The following PIK3C2G variants were observed in gnomAD, a reference collection of about 807,000 sequenced individuals.
PIK3C2G encodes the protein phosphatidylinositol-4-phosphate 3-kinase catalytic subunit type 2 gamma, also known as phosphatidylinositol 3-kinase C2 domain-containing subunit gamma.
In PIK3C2G, 168 loss-of-function variants were observed where a neutral mutation model predicts 181.1. The observed-to-expected ratio is 0.93, with a 90% CI of 0.82 to 1.05. The LOEUF (loss-of-function observed/expected upper bound fraction) is 1.05, where lower values mean the gene tolerates loss of function less well. Ranked by LOEUF, PIK3C2G falls within the 50% of genes least tolerant of loss-of-function variation. The pLI, the probability that PIK3C2G is intolerant of heterozygous loss-of-function variation, is 0.00. For synonymous variants in PIK3C2G, 573 were observed against 592.2 expected, an observed-to-expected ratio of 0.97 and a Z score of 0.47; for missense variants, 1,869 against 1,732.8, an observed-to-expected ratio of 1.08 and a Z score of -1.40.
chr12:18,482,630 T>C (rs1939672607), intron 18 of PIK3C2G, among the ~76,000 whole-genome samples: 1 of 152,134 alleles, frequency 6.6e-6, no homozygotes, highest in Non-Finnish European at 1.5e-5. Context: ...CCCCCTTTTC[T>C]CCATCCTGGC....
At chr12:18,303,138 C>CTTTCTTTCTTTT (rs1422309361) in intron 5 of PIK3C2G, among the ~76,000 whole-genome samples, 9 of 131,136 alleles carry the variant, frequency 6.9e-5, no homozygotes, top group African/African-American at 2.3e-4. Flanking sequence ...TTCTTTCTTT[C>CTTTCTTTCTTTT]TTTTCTTTTC....
intron 11 of PIK3C2G, chr12:18,358,433 C>T (rs148889602): frequency 5.3e-6 from 1 of 187,844 alleles, no homozygotes; most frequent in Non-Finnish European, 1.1e-5. Context: ...TGGTTCATCT[C>T]ACAGCAGCAG....
intron 1 of PIK3C2G, among the ~76,000 whole-genome samples, chr12:18,281,702 G>A (rs928224737): frequency 6.6e-6 from 1 of 151,992 alleles, no homozygotes; most frequent in African/African-American, 2.4e-5. Flanking sequence ...CAAATGATAA[G>A]TGGATATTCA....
chr12:18,411,656 T>C (rs1462424268), intron 16 of PIK3C2G, among the ~76,000 whole-genome samples: 2 of 152,214 alleles, frequency 1.3e-5, no homozygotes, highest in African/African-American at 4.8e-5. Context: ...TCTGCACTTC[T>C]GATGATTTTC....
the PIK3C2G span, among the ~76,000 whole-genome samples, chr12:18,714,318 C>T: frequency 6.6e-6 from 1 of 152,152 alleles, no homozygotes; most frequent in Non-Finnish European, 1.5e-5. Flanking sequence ...CAGACAGGGT[C>T]AGCAACACTA....
At chr12:18,458,567 G>A (rs181647527) in intron 18 of PIK3C2G, among the ~76,000 whole-genome samples, 44 of 152,178 alleles carry the variant, frequency 2.9e-4, no homozygotes, top group African/African-American at 9.9e-4. Context: ...GCCCTACAAT[G>A]TGGGAAGAAG....
At chr12:18,567,763 A>G (rs1361384920) in intron 29 of PIK3C2G, among the ~76,000 whole-genome samples, 1 of 152,192 alleles carries the variant, frequency 6.6e-6, no homozygotes, top group Non-Finnish European at 1.5e-5. Context: ...AGTATTCTTA[A>G]AATTTGAATA....
At chr12:18,404,158 C>T (rs1182863021) in intron 16 of PIK3C2G, among the ~76,000 whole-genome samples, 1 of 151,898 alleles carries the variant, frequency 6.6e-6, no homozygotes, top group Non-Finnish European at 1.5e-5. Context: ...TTTTTTTCTC[C>T]AAACCATTGT....
chr12:18,572,537 A>G (rs1946010720), intron 29 of PIK3C2G, among the ~76,000 whole-genome samples: 1 of 151,124 alleles, frequency 6.6e-6, no homozygotes, highest in Non-Finnish European at 1.5e-5. Flanking sequence ...GTTTTTTTGC[A>G]CTTTTACTAT....
Position 18,366,696 on chromosome 12 carries a change from T to C in PIK3C2G, c.1748+3810T>C, listed in dbSNP as rs1941666238. Among the ~76,000 whole-genome samples, 3 of 151,826 alleles carry C rather than the reference T, an allele frequency of 2.0e-5. 1 individual carries two copies. The highest frequency in any genetic ancestry group is 1.3e-4 in the Admixed American group (2 of 15,230). On this transcript the variant is annotated intron_variant, in intron 12 of 32. Coordinates refer to ENST00000538779, the MANE Select transcript of PIK3C2G (RefSeq NM_001288772.2). ...CTTAAATAGTATAGTGAGGCAAACA[T>C]GTGGTTAAAACTTGAGATCTATACT... is the stretch of plus-strand genomic sequence containing the variant.
At chr12:18,375,993 T>C (rs1942411347) in intron 13 of PIK3C2G, among the ~76,000 whole-genome samples, 1 of 152,208 alleles carries the variant, frequency 6.6e-6, no homozygotes, top group African/African-American at 2.4e-5. Context: ...TCAGAGAATA[T>C]TTTGGAAAGC....
intron 13 of PIK3C2G, among the ~76,000 whole-genome samples, chr12:18,373,606 T>C (rs527504418): frequency 6.6e-6 from 1 of 152,212 alleles, no homozygotes; most frequent in African/African-American, 2.4e-5. Flanking sequence ...TCCCAGCACT[T>C]TGGGAGGCCG....
intron 24 of PIK3C2G, among the ~76,000 whole-genome samples, chr12:18,520,871 G>A (rs747626153): frequency 5.3e-5 from 8 of 152,032 alleles, no homozygotes; most frequent in African/African-American, 7.2e-5. Context: ...CAAATTCTTC[G>A]TGAGTTTGTC....
At chr12:18,262,942 A>G (rs990970681) in intron 1 of PIK3C2G, among the ~76,000 whole-genome samples, 1 of 152,198 alleles carries the variant, frequency 6.6e-6, no homozygotes, top group Admixed American at 6.5e-5. Flanking sequence ...TATACAGATA[A>G]TCATAGCAAA....
the PIK3C2G span, among the ~76,000 whole-genome samples, chr12:18,660,303 G>C: frequency 1.3e-5 from 2 of 152,096 alleles, no homozygotes; most frequent in African/African-American, 4.8e-5. Context: ...TTAAATATCA[G>C]GGATCTGTGT....
At position 18,563,382 on chromosome 12, in the gene PIK3C2G, T is replaced by A. The variant is rs1945449067; in HGVS notation, c.3786T>A (p.Tyr1262Ter). ...LGFSKKSSNL[Y>*]LIQVTHSNNE... ...TATCTATTTACTTTCTGCAGCTGTA[T>A]CTGATCCAGGTGACACACAGCAACA... The change falls in exon 28 of 33, where the codon TAT becomes TAA. Residue 1262 changes from tyrosine to a stop codon, truncating the protein, a stop_gained. Coordinates refer to ENST00000538779, the MANE Select transcript of PIK3C2G (RefSeq NM_001288772.2). LOFTEE classifies it high-confidence loss of function. The A allele has an allele frequency of 6.2e-7, 1 of 1,611,028 alleles. No individual in the cohort carries two copies. The highest frequency in any genetic ancestry group is 1.3e-5 in the African/African-American group (1 of 74,900).
chr12:18,303,340 TC>T (rs1472872169), intron 5 of PIK3C2G, among the ~76,000 whole-genome samples: 1,396 of 133,766 alleles, frequency 0.01, 26 homozygotes, highest in African/African-American at 0.032. Context: ...TCTCTCTCTT[TC>T]TTTCTTTCTT....
the PIK3C2G span, chr12:18,712,862 T>C: frequency 6.2e-7 from 1 of 1,613,854 alleles, no homozygotes; most frequent in East Asian, 2.2e-5. Context: ...TACTTGTGTA[T>C]AGCTTGGATA....
At chr12:18,395,610 AAC>A (rs995758015) in intron 15 of PIK3C2G, among the ~76,000 whole-genome samples, 17 of 150,554 alleles carry the variant, frequency 1.1e-4, no homozygotes, top group African/African-American at 2.9e-4. Context: ...AATAAATAAA[AAC>A]AGTTTCATTT....
Sources: gnomAD v4.1 joint callset for allele counts (sites outside exome capture counted in the v4.1 genomes callset) on GRCh38, gnomAD v4.1.1 for gene constraint, MANE v1.5 for transcripts, NCBI Gene and HGNC (gene_info 2026-07-23, HGNC 2026-07-21) for gene names.